Variants in RAB3IP observed in about 807,000 individuals in gnomAD.
The protein encoded by RAB3IP is rab-3A-interacting protein.
In RAB3IP, 36 loss-of-function variants were observed where a neutral mutation model predicts 59.1. The observed-to-expected ratio is 0.61, with a 90% CI of 0.47 to 0.80. The LOEUF (loss-of-function observed/expected upper bound fraction) is 0.80, where lower values mean the gene tolerates loss of function less well. Among genes scored for constraint, RAB3IP ranks in the 30% least tolerant of loss-of-function variants. The pLI, the probability that RAB3IP is intolerant of heterozygous loss-of-function variation, is 0.00. For synonymous variants in RAB3IP, 207 were observed against 191.2 expected (o/e 1.08, Z -0.68); for missense variants, 511 against 536.0 (o/e 0.95, Z 0.46).
intron 10 of RAB3IP, 110 bp downstream of exon 10, chr12:69,813,143 G>A (rs1482359141): frequency 5.4e-6 from 4 of 735,414 alleles, no homozygotes; most frequent in Admixed American, 5.2e-5. Context: ...CAGCTTTATT[G>A]TTGGTACATT....
At chr12:69,779,948 A>G (rs898063380) in intron 3 of RAB3IP, among the ~76,000 whole-genome samples, 5 of 152,198 alleles carry the variant, frequency 3.3e-5, no homozygotes, top group Admixed American at 6.5e-5. Flanking sequence ...TATTTATTCA[A>G]GTCTTTGCAG....
chr12:69,787,619 AT>A (rs1306230629), intron 4 of RAB3IP, among the ~76,000 whole-genome samples: 1 of 152,082 alleles, frequency 6.6e-6, no homozygotes, highest in African/African-American at 2.4e-5. Flanking sequence ...GGGGCCTCTT[AT>A]TTCTTCATTC....
At chr12:69,750,034 G>A (rs147874534) in intron 1 of RAB3IP, among the ~76,000 whole-genome samples, 233 of 152,334 alleles carry the variant, frequency 1.5e-3, no homozygotes, top group African/African-American at 5.5e-3. Flanking sequence ...CACTAGAACA[G>A]TGGAACAATG....
chr12:69,741,777 C>T (rs1887369874), intron 1 of RAB3IP, among the ~76,000 whole-genome samples: 1 of 152,228 alleles, frequency 6.6e-6, no homozygotes. Context: ...AACCACTACA[C>T]TCTGTCATTT....
chr12:69,740,095 C>T (rs1047113824), intron 1 of RAB3IP, among the ~76,000 whole-genome samples: 1 of 152,110 alleles, frequency 6.6e-6, no homozygotes. Context: ...CAAAACTGTT[C>T]CATTGTAAAT....
chr12:69,782,797 T>C (rs374852783), intron 3 of RAB3IP, among the ~76,000 whole-genome samples: 11 of 152,136 alleles, frequency 7.2e-5, no homozygotes, highest in Non-Finnish European at 1.5e-4. Context: ...TTACAGCTTA[T>C]CCAGTTTTTT....
chr12:69,763,002 G>A (rs889804206), intron 3 of RAB3IP, among the ~76,000 whole-genome samples: 3 of 152,068 alleles, frequency 2.0e-5, no homozygotes, highest in East Asian at 1.9e-4. Flanking sequence ...CATAAGCTCC[G>A]TCAAGTTGAA....
chr12:69,784,863 T>C (rs2136204938), intron 4 of RAB3IP, 48 bp downstream of exon 4: 1 of 1,059,902 alleles, frequency 9.4e-7, no homozygotes, highest in East Asian at 2.5e-5. Flanking sequence ...GACTTTTATA[T>C]ATTGACAAAA....
intron 3 of RAB3IP, among the ~76,000 whole-genome samples, chr12:69,768,776 C>T (rs749583355): frequency 1.3e-5 from 2 of 152,100 alleles, no homozygotes; most frequent in Non-Finnish European, 2.9e-5. Flanking sequence ...CAGTACTTTC[C>T]ACAGTTCTGC....
upstream of RAB3IP, chr12:69,738,515 C>A (rs1458142388): frequency 6.6e-6 from 1 of 152,286 alleles, no homozygotes; most frequent in East Asian, 1.9e-4. Context: ...AAAGGTGCCT[C>A]TTCTCCCTCC....
chr12:69,756,486 C>T lies in RAB3IP; in HGVS notation c.333C>T (p.Asn111=). The part of the protein sequence containing the change: ...GLTKLTTRKD[N]YNAEREFLQG... ...CTAAATTAACTACAAGAAAGGACAACTATAATGCAGAGAGAGAGTTTTTAC... is the reference window on the plus strand; with the variant it reads ...CTAAATTAACTACAAGAAAGGACAATTATAATGCAGAGAGAGAGTTTTTAC... Residue 111 remains asparagine (N), a synonymous_variant, in exon 3 of 11, where the codon AAC becomes AAT. Transcript: ENST00000247833. 1 of 1,614,056 alleles carries T rather than the reference C, an allele frequency of 6.2e-7. No individual in the cohort carries two copies. Among genetic ancestry groups the T allele is most frequent in the Non-Finnish European group, 8.5e-7 (1 of 1,179,972 alleles).
chr12:69,770,235 A>G (rs1283275018), intron 3 of RAB3IP, among the ~76,000 whole-genome samples: 1 of 152,194 alleles, frequency 6.6e-6, no homozygotes, highest in African/African-American at 2.4e-5. Flanking sequence ...AGAGTTGTAA[A>G]TATACTCATC....
intron 6 of RAB3IP, among the ~76,000 whole-genome samples, chr12:69,797,906 C>T (rs905251391): frequency 6.6e-6 from 1 of 152,146 alleles, no homozygotes; most frequent in Non-Finnish European, 1.5e-5. Flanking sequence ...GCCACATTTT[C>T]TTAATCCAGT....
rs1175589465 is a variant in RAB3IP at position 69,821,163 on chromosome 12, T to G, written c.*5717T>G. 6.6e-6 allele frequency: 1 copy of G among 152,274 alleles called. No individual in the cohort carries two copies. The highest frequency in any genetic ancestry group is 2.1e-4 in the South Asian group (1 of 4,832). 9.4% of individuals were successfully genotyped at this position (152,274 alleles called of 1,614,324 possible). A position where few individuals can be genotyped will look rare whatever the true frequency, so the allele number is the denominator to read the frequency against. ...AGTCTCGAGGGATACAGGGCCCCCA[T>G]CACCACATCCCCAGATTTAACCGCA... On this transcript the variant is annotated 3_prime_UTR_variant, in exon 11 of 11. Transcript: ENST00000247833.
At chr12:69,767,135 G>A (rs1343552650) in intron 3 of RAB3IP, among the ~76,000 whole-genome samples, 1 of 152,196 alleles carries the variant, frequency 6.6e-6, no homozygotes, top group Non-Finnish European at 1.5e-5. Flanking sequence ...TTTCATGTGA[G>A]TAGGATTTTT....
chr12:69,813,621 ATC>A (rs1338301302), intron 10 of RAB3IP, among the ~76,000 whole-genome samples: 1 of 152,140 alleles, frequency 6.6e-6, no homozygotes, highest in Admixed American at 6.6e-5. Context: ...ATAGCTAAAT[ATC>A]TTAAATATCA....
In RAB3IP at chr12:69,801,732, A is replaced by G. The variant is rs1878419271; in HGVS notation, c.1130+11A>G. On this transcript the variant is annotated intron_variant, in intron 8 of 10. Transcript: ENST00000247833. ...ATGCGGAGGACCAAAGTAGGTTTTT[A>G]CGTGCATGAACTGTGAAAGTGACTG... The G allele has an allele frequency of 1.3e-6, 2 of 1,490,980 alleles. No homozygotes were observed. Among genetic ancestry groups the G allele is most frequent in the Non-Finnish European group, 1.9e-6 (2 of 1,070,758 alleles). 92.4% of individuals were successfully genotyped at this position (1,490,980 alleles called of 1,614,324 possible).
rs557989981 is a variant in RAB3IP at position 69,746,331 on chromosome 12, TTC to T, written c.-26+7302_-26+7303del. 4.4e-4 allele frequency among the ~76,000 whole-genome samples: 67 copies of T among 152,120 alleles called. 1 individual carries two copies. Among genetic ancestry groups the T allele is most frequent in the Non-Finnish European group, 5.3e-4 (36 of 68,038 alleles). On this transcript the variant is annotated intron_variant, in intron 1 of 10. Coordinates refer to ENST00000247833, the MANE Select transcript of RAB3IP (RefSeq NM_022456.5). ...CACAGTCTGCCTCTCCAGCCTGCTT[TTC>T]TGTTACTGTCTCCTTTGTTAGTTTT...
intron 4 of RAB3IP, among the ~76,000 whole-genome samples, chr12:69,790,390 T>G (rs555965293): frequency 2.6e-5 from 4 of 152,192 alleles, no homozygotes; most frequent in African/African-American, 9.6e-5. Flanking sequence ...AAAATTATAA[T>G]ACAGTTAATG....
Sources: allele counts gnomAD v4.1 joint callset (sites outside exome capture counted in the v4.1 genomes callset), GRCh38; gene constraint gnomAD v4.1.1; transcripts MANE v1.5; gene names NCBI Gene and HGNC (gene_info 2026-07-23, HGNC 2026-07-21).